The following TAPBPL variants were observed in gnomAD, a reference collection of about 807,000 sequenced individuals.
TAPBPL encodes tapasin-related protein.
Under a neutral mutation model 44.8 loss-of-function variants are expected in TAPBPL, and 32 were observed. The ratio of observed to expected loss-of-function variants is 0.71; its 90% confidence interval spans 0.54 to 0.96. The LOEUF is 0.96. Ranked by LOEUF, TAPBPL falls within the 40% of genes least tolerant of loss-of-function variation. The pLI, the probability that TAPBPL is intolerant of heterozygous loss-of-function variation, is 0.00. For synonymous variants in TAPBPL, 230 were observed against 240.7 expected (o/e 0.96, Z 0.41); for missense variants, 520 against 586.6 (o/e 0.89, Z 1.17).
At chr12:6,458,614 T>C (rs1458471362) in intron 4 of TAPBPL, 31 bp from the exon 5 acceptor site, 1 of 1,608,408 alleles carries the variant, frequency 6.2e-7, no homozygotes, top group African/African-American at 1.3e-5. Flanking sequence ...GTTAGATCCA[T>C]GTGTAATCTT....
downstream of TAPBPL, chr12:6,464,129 A>G (rs1192055966): frequency 7.3e-7 from 1 of 1,360,916 alleles, no homozygotes; most frequent in East Asian, 4.0e-5. Context: ...AAGTCTGGGC[A>G]GCTTCATGGG....
chr12:6,456,382 G>A (rs1466710301), intron 3 of TAPBPL, among the ~76,000 whole-genome samples: 2 of 122,546 alleles, frequency 1.6e-5, no homozygotes, highest in Non-Finnish European at 3.4e-5. Context: ...TTTTTTTTTC[G>A]ATATGGAGTT....
intron 6 of TAPBPL, chr12:6,461,396 T>G: frequency 1.0e-6 from 1 of 1,003,214 alleles, no homozygotes; most frequent in East Asian, 1.0e-4. Context: ...GCCAGGTTGG[T>G]GGTGTGACGG....
intron 6 of TAPBPL, 113 bp from the exon 7 acceptor site, chr12:6,461,921 C>T: frequency 1.2e-6 from 1 of 816,688 alleles, no homozygotes; most frequent in South Asian, 1.7e-5. Context: ...ACAAGCAGGC[C>T]AAGGACCTAG....
downstream of TAPBPL, chr12:6,466,604 T>C (rs1469033310): frequency 3.2e-6 from 1 of 315,356 alleles, no homozygotes; most frequent in Admixed American, 4.9e-5. Flanking sequence ...AAAACTAGAA[T>C]GGATTCTTGC....
chr12:6,459,100 C>T (rs1021989233), intron 5 of TAPBPL, among the ~76,000 whole-genome samples, 153 bp downstream of exon 5: 5 of 152,202 alleles, frequency 3.3e-5, no homozygotes, highest in African/African-American at 7.2e-5. Context: ...TTTCCCAAGG[C>T]GGCAGCTGCC....
intron 4 of TAPBPL, 76 bp from the exon 5 acceptor site, chr12:6,458,569 G>A: frequency 6.5e-7 from 1 of 1,533,892 alleles, no homozygotes; most frequent in East Asian, 2.3e-5. Flanking sequence ...CATCTTGGCA[G>A]GAAGAAAAGG....
chr12:6,457,332 T>A, intron 3 of TAPBPL, 74 bp from the exon 4 acceptor site: 1 of 1,460,934 alleles, frequency 6.8e-7, no homozygotes, highest in Middle Eastern at 1.8e-4. Context: ...GCCCACAACA[T>A]GCCCACAGCT....
chr12:6,460,798 G>C (rs1949836043), intron 5 of TAPBPL, 57 bp from the exon 6 acceptor site: 1 of 1,567,780 alleles, frequency 6.4e-7, no homozygotes, highest in South Asian at 1.1e-5. Context: ...GCAGGTGAGG[G>C]CTCAGCTCAT....
In TAPBPL at chr12:6,458,636, T is replaced by C; in HGVS notation, c.905-9T>C. 6 of 1,612,082 alleles carry C rather than the reference T, an allele frequency of 3.7e-6. No individual in the cohort carries two copies. Among genetic ancestry groups the C allele is most frequent in the Non-Finnish European group, 5.1e-6 (6 of 1,178,308 alleles). On this transcript the variant is annotated splice_polypyrimidine_tract_variant and intron_variant, in intron 4 of 6. Transcript: ENST00000266556. ...CCATGTGTAATCTTATTCCTCATTC[T>C]TTCTCCAGCTTCCCCTAAAGTACGA...
chr12:6,464,870 G>A (rs181120359), downstream of TAPBPL: 27 of 1,613,904 alleles, frequency 1.7e-5, no homozygotes, highest in East Asian at 5.1e-4. Flanking sequence ...CACCCCACCA[G>A]CAACTTCAGC....
intron 4 of TAPBPL, 79 bp from the exon 5 acceptor site, chr12:6,458,566 G>C (rs897426016): frequency 3.3e-6 from 5 of 1,523,476 alleles, no homozygotes; most frequent in South Asian, 1.2e-5. Flanking sequence ...TCTCATCTTG[G>C]CAGGAAGAAA....
At chr12:6,462,742 C>T (rs1949910826), downstream of TAPBPL, 1 of 1,367,162 alleles carries the variant, frequency 7.3e-7, no homozygotes. Flanking sequence ...CAGCGGTGAC[C>T]CCCTGCATTA....
chr12:6,466,488 G>T, downstream of TAPBPL: 3 of 891,060 alleles, frequency 3.4e-6, no homozygotes, highest in Non-Finnish European at 4.9e-6. Flanking sequence ...TTCGAGGCCA[G>T]CCTGGGCATC....
chr12:6,470,737 G>A (rs1945755276), downstream of TAPBPL: 1 of 649,876 alleles, frequency 1.5e-6, no homozygotes, highest in Non-Finnish European at 2.7e-6. Context: ...GGATAACGGT[G>A]ACAACCCCGC....
In TAPBPL at chr12:6,457,526, T is replaced by G. The variant is rs773749731; in HGVS notation, c.686T>G (p.Leu229Arg). The G allele has an allele frequency of 6.2e-7, 1 of 1,614,226 alleles. No homozygotes were observed. The highest frequency in any genetic ancestry group is 2.2e-5 in the East Asian group (1 of 44,886). ...GACCTCATCAGTGTGGAGTGGCGAC[T>G]GCAGCACAAGGGCAGGGGTCAGTTG... is the stretch of plus-strand genomic sequence containing the variant. ...GLDLISVEWRLQHKGRGQLVY... is the reference protein window; with the variant it reads ...GLDLISVEWRRQHKGRGQLVY... Residue 229 changes from leucine to arginine, a missense_variant, in exon 4 of 7, where the codon CTG becomes CGG. By Grantham distance (102) the Leu-to-Arg change is moderately radical. Transcript: ENST00000266556.
chr12:6,455,781 T>G (rs75709920), intron 3 of TAPBPL, among the ~76,000 whole-genome samples: 1 of 67,422 alleles, frequency 1.5e-5, no homozygotes, highest in Admixed American at 1.4e-4. Flanking sequence ...TTTTTTTTTT[T>G]TAACAGTCTC....
downstream of TAPBPL, among the ~76,000 whole-genome samples, chr12:6,467,542 G>A (rs932655112): frequency 2.6e-5 from 4 of 152,178 alleles, no homozygotes; most frequent in African/African-American, 9.7e-5. Context: ...AGGGTATCTG[G>A]CAGAAGAAAA....
chr12:6,461,001 C>A lies in TAPBPL; in HGVS notation c.1291+63C>A, dbSNP rs1393346204. The A allele has an allele frequency of 2.9e-5, 47 of 1,605,888 alleles. No individual in the cohort carries two copies. The Admixed American group carries it at 6.3e-4, about 22-fold the overall frequency. ...ACCTCACCCACTCTAACCACCCCCC[C>A]GCCCAGACCAGGGTGGAAGCCCAGA... On this transcript the variant is annotated intron_variant, in intron 6 of 6. Transcript: ENST00000266556.
Sources: allele counts gnomAD v4.1 joint callset (sites outside exome capture counted in the v4.1 genomes callset), GRCh38; gene constraint gnomAD v4.1.1; transcripts MANE v1.5; gene names NCBI Gene and HGNC (gene_info 2026-07-23, HGNC 2026-07-21).